The following NXN variants were observed in gnomAD, a reference collection of about 807,000 sequenced individuals.
The protein encoded by NXN is nucleoredoxin.
In NXN, 16 loss-of-function variants were observed where a neutral mutation model predicts 48.6. The ratio of observed to expected loss-of-function variants is 0.33; its 90% confidence interval spans 0.22 to 0.50. The LOEUF (loss-of-function observed/expected upper bound fraction) is 0.50. NXN is among the 20% of genes least tolerant of loss of function. NXN has a pLI of 0.98. For missense variants in NXN, 492 were observed against 605.5 expected (o/e 0.81, Z 1.97); for synonymous variants, 281 against 269.6 (o/e 1.04, Z -0.41).
chr17:843,076 C>T (rs151257151), intron 1 of NXN, among the ~76,000 whole-genome samples: 2 of 150,006 alleles, frequency 1.3e-5, no homozygotes, highest in Non-Finnish European at 3.0e-5. Flanking sequence ...AGCAAGCAAG[C>T]AAGCTGCACC....
At chr17:829,485 G>A (rs1437081154) in intron 1 of NXN, among the ~76,000 whole-genome samples, 1 of 149,886 alleles carries the variant, frequency 6.7e-6, no homozygotes, top group Non-Finnish European at 1.5e-5. Flanking sequence ...TAAAGTTCTG[G>A]GATACATGTG....
chr17:834,590 T>G (rs1213223692), intron 1 of NXN, among the ~76,000 whole-genome samples: 1 of 152,072 alleles, frequency 6.6e-6, no homozygotes, highest in Non-Finnish European at 1.5e-5. Flanking sequence ...AATTTTTGTA[T>G]TTTTAGTAGA....
rs1300286615 is a variant in NXN, at chr17:914,540, GA to G, written c.360+64778del. Among the ~76,000 whole-genome samples the G allele has an allele frequency of 4.0e-5, 6 of 150,758 alleles. 1 individual carries two copies. The highest frequency in any genetic ancestry group is 1.3e-4 in the Admixed American group (2 of 14,986). On this transcript the variant is annotated intron_variant, in intron 1 of 7. Coordinates refer to ENST00000336868, the MANE Select transcript of NXN (RefSeq NM_022463.5). ...AGAGGCAAGGTCAAAGGCAAACACC[GA>G]GGTCTGTAATTGGTAGCGCAAGCAA...
At position 825,931 on chromosome 17, in the gene NXN, G is replaced by C. The variant is rs1438737194; in HGVS notation, c.478+30C>G. 4.2e-6 allele frequency: 6 copies of C among 1,419,408 alleles called. No individual in the cohort carries two copies. Among genetic ancestry groups the C allele is most frequent in the Non-Finnish European group, 5.9e-6 (6 of 1,013,876 alleles). 87.9% of individuals were successfully genotyped at this position (1,419,408 alleles called of 1,614,324 possible). On this transcript the variant is annotated intron_variant, in intron 2 of 7. Coordinates refer to ENST00000336868, the MANE Select transcript of NXN (RefSeq NM_022463.5). The surrounding 1 kb of genome is among the most constrained non-coding windows in gnomAD (Gnocchi z 4.1). ...TGGAGGAGGGAGGGCTGGGTAATAA[G>C]AGGACCATATGCACGGGCTGAGGTT... is the stretch of plus-strand genomic sequence containing the variant.
chr17:841,091 T>A (rs1417816593), intron 1 of NXN, among the ~76,000 whole-genome samples: 1 of 152,194 alleles, frequency 6.6e-6, no homozygotes, highest in African/African-American at 2.4e-5. Context: ...TCTCTTCAGC[T>A]GCAGAATGGT....
intron 1 of NXN, among the ~76,000 whole-genome samples, chr17:972,702 C>T (rs536716276): frequency 1.4e-4 from 22 of 152,262 alleles, no homozygotes; most frequent in Admixed American, 7.8e-4. Context: ...GTGCACATTA[C>T]AACACCTTCC....
intron 1 of NXN, among the ~76,000 whole-genome samples, chr17:974,299 C>T (rs896356676): frequency 2.6e-5 from 4 of 151,626 alleles, no homozygotes; most frequent in South Asian, 2.1e-4. Context: ...TGCAGTGAGC[C>T]GAGATCGCAC....
chr17:877,219 C>A (rs1027146740), intron 1 of NXN, among the ~76,000 whole-genome samples: 1 of 151,882 alleles, frequency 6.6e-6, no homozygotes, highest in Non-Finnish European at 1.5e-5. Flanking sequence ...ATGATCTCGG[C>A]TCACTGCAAG....
At chr17:872,112 T>C (rs983332615) in intron 1 of NXN, among the ~76,000 whole-genome samples, 1 of 152,060 alleles carries the variant, frequency 6.6e-6, no homozygotes, top group African/African-American at 2.4e-5. Flanking sequence ...GGAGAGTTCC[T>C]GCACTGAGTC....
chr17:972,895 G>T (rs1351794213), intron 1 of NXN, among the ~76,000 whole-genome samples: 1 of 152,108 alleles, frequency 6.6e-6, no homozygotes, highest in Non-Finnish European at 1.5e-5. Context: ...GCCAGGGGTG[G>T]TGACGGGCCC....
chr17:840,862 C>T (rs78524589), intron 1 of NXN, among the ~76,000 whole-genome samples: 26 of 152,268 alleles, frequency 1.7e-4, no homozygotes, highest in East Asian at 5.8e-4. Context: ...GGATAAAGGA[C>T]GGCACACCAA....
rs1567827564 is a variant in NXN, at chr17:841,456, G to GGA, written c.361-15379_361-15378insTC. Among the ~76,000 whole-genome samples the GGA allele has an allele frequency of 2.4e-4, 20 of 82,702 alleles. 1 individual carries two copies. The highest frequency in any genetic ancestry group is 4.6e-4 in the African/African-American group (9 of 19,490). The allele number at this position is 82,702 out of a possible 152,430, so 54.3% of individuals were successfully genotyped here. On this transcript the variant is annotated intron_variant, in intron 1 of 7. Coordinates refer to ENST00000336868, the MANE Select transcript of NXN (RefSeq NM_022463.5). ...CGGGCGAGCAGGTCCCCCTGACCAC[G>GGA]GCGCATCTCACACGGGCGAGCAGGT...
chr17:964,620 C>G (rs945171269), intron 1 of NXN, among the ~76,000 whole-genome samples: 1 of 152,212 alleles, frequency 6.6e-6, no homozygotes, highest in Non-Finnish European at 1.5e-5. Context: ...TTCACCCTCA[C>G]GCCTACATCT....
At chr17:936,391 G>A (rs2068908039) in intron 1 of NXN, among the ~76,000 whole-genome samples, 1 of 152,010 alleles carries the variant, frequency 6.6e-6, no homozygotes, top group Non-Finnish European at 1.5e-5. Flanking sequence ...TGTCCACGGT[G>A]AGGTGGTGAG....
intron 1 of NXN, among the ~76,000 whole-genome samples, chr17:884,525 G>A (rs1187618140): frequency 1.3e-5 from 2 of 152,182 alleles, no homozygotes; most frequent in East Asian, 1.9e-4. Flanking sequence ...AAGTGTGTCC[G>A]GCACTGTCCA....
Position 979,526 on chromosome 17 carries a change from G to C in NXN, c.153C>G (p.Ala51=). The C allele has an allele frequency of 6.2e-6, 8 of 1,296,710 alleles. No homozygotes were observed. Among genetic ancestry groups the C allele is most frequent in the Non-Finnish European group, 7.9e-6 (8 of 1,016,012 alleles). The allele number at this position is 1,296,710 out of a possible 1,614,324, so 80.3% of individuals were successfully genotyped here. The part of the protein sequence containing the change: ...SLSAPCAQLS[A]SLAAFYGRLR... The stretch of plus-strand genomic sequence containing the variant: ...GGCGCCCGTAGAAGGCGGCCAGGCT[G>C]GCGCTGAGCTGCGCGCAGGGGGCGC... The change falls in exon 1 of 8, where the codon GCC becomes GCG. Residue 51 remains alanine, a synonymous_variant. Transcript: ENST00000336868.
intron 1 of NXN, among the ~76,000 whole-genome samples, chr17:873,676 T>C (rs1367227319): frequency 2.6e-5 from 4 of 152,032 alleles, no homozygotes; most frequent in Non-Finnish European, 4.4e-5. Flanking sequence ...TCTGGAAGCT[T>C]TGTGCATATA....
intron 1 of NXN, among the ~76,000 whole-genome samples, chr17:885,750 A>G (rs951830695): frequency 4.4e-5 from 6 of 136,138 alleles, no homozygotes; most frequent in Non-Finnish European, 7.6e-5. Context: ...GCGCAATCTC[A>G]GCTCACTGCA....
At chr17:811,435 C>T (rs920140951) in intron 5 of NXN, among the ~76,000 whole-genome samples, 2 of 151,640 alleles carry the variant, frequency 1.3e-5, no homozygotes, top group Non-Finnish European at 2.9e-5. Context: ...GTGTTGACAA[C>T]GGTCTCCTTA....
Sources: allele counts gnomAD v4.1 joint callset (sites outside exome capture counted in the v4.1 genomes callset), GRCh38; gene constraint gnomAD v4.1.1; non-coding constraint Gnocchi (gnomAD v3.1); transcripts MANE v1.5; gene names NCBI Gene and HGNC (gene_info 2026-07-23, HGNC 2026-07-21).